The following SYN3 variants were observed in gnomAD, a reference collection of about 807,000 sequenced individuals.
The protein encoded by SYN3 is synapsin III.
Under a neutral mutation model 65.8 loss-of-function variants are expected in SYN3, and 35 were observed. The ratio of observed to expected loss-of-function variants is 0.53; its 90% CI spans 0.41 to 0.70. The LOEUF (loss-of-function observed/expected upper bound fraction) is 0.70. Among genes scored for constraint, SYN3 ranks in the 30% least tolerant of loss-of-function variants. The pLI is 0.00. For synonymous variants in SYN3, 270 were observed against 292.9 expected (o/e 0.92, Z 0.80); for missense variants, 680 against 749.0 (o/e 0.91, Z 1.08).
At chr22:33,029,173 CTTT>C (rs133973) in intron 1 of SYN3, among the ~76,000 whole-genome samples, 219 of 143,964 alleles carry the variant, frequency 1.5e-3, no homozygotes, top group Middle Eastern at 3.6e-3. Context: ...CCAAAGATGA[CTTT>C]TTTTTTTTTT....
chr22:32,691,095 T>A (rs1299638286), intron 6 of SYN3, among the ~76,000 whole-genome samples: 1 of 152,088 alleles, frequency 6.6e-6, no homozygotes, highest in Non-Finnish European at 1.5e-5. Context: ...TGCCTCCCTT[T>A]TTTCTCTCCT....
rs146931849 is a variant in SYN3 at position 32,745,623 on chromosome 22, A to G, written c.711+119292T>C. ...GCACGGCCCTGGGTTAGTCACAGCA[A>G]AGGTATTTGGCACCTCCAAGTACCT... On this transcript the variant is annotated intron_variant, in intron 6 of 13. Transcript: ENST00000358763. 3.6e-3 allele frequency among the ~76,000 whole-genome samples: 547 copies of G among 152,262 alleles called. 2 individuals are homozygous for G. Among genetic ancestry groups the G allele is most frequent in the African/African-American group, 0.012 (510 of 41,540 alleles).
chr22:32,886,662 C>T (rs897523296), intron 4 of SYN3, among the ~76,000 whole-genome samples: 1 of 152,234 alleles, frequency 6.6e-6, no homozygotes, highest in Non-Finnish European at 1.5e-5. Context: ...TCACAGGTGA[C>T]TTGTGTCCCT....
chr22:33,041,785 T>G (rs1452918162), intron 1 of SYN3, among the ~76,000 whole-genome samples: 1 of 152,118 alleles, frequency 6.6e-6, no homozygotes, highest in African/African-American at 2.4e-5. Flanking sequence ...ATTGGATTAA[T>G]GAGCTCCAAG....
At position 32,528,934 on chromosome 22, in the gene SYN3, G is replaced by GACA; in HGVS notation, c.1167_1169dup (p.Val390dup). The GACA allele has an allele frequency of 6.2e-7, 1 of 1,614,140 alleles. No individual in the cohort carries two copies. Among genetic ancestry groups the GACA allele is most frequent in the Non-Finnish European group, 8.5e-7 (1 of 1,180,052 alleles). On this transcript the variant is annotated inframe_insertion, in exon 11 of 14. Transcript: ENST00000358763. The stretch of plus-strand genomic sequence containing the variant: ...GCATCGGGAGCTGGCTCATTTTGGA[G>GACA]ACAACAAGGTCGGCCATCAGCTGTC...
intron 7 of SYN3, among the ~76,000 whole-genome samples, chr22:32,551,749 A>G (rs2058418923): frequency 6.6e-6 from 1 of 152,226 alleles, no homozygotes; most frequent in Non-Finnish European, 1.5e-5. Context: ...TGTGTGTTAG[A>G]AATATTCACT....
intron 6 of SYN3, among the ~76,000 whole-genome samples, chr22:32,703,530 G>C (rs1344314434): frequency 6.6e-6 from 1 of 151,904 alleles, no homozygotes; most frequent in Non-Finnish European, 1.5e-5. Flanking sequence ...TCAGCTACTC[G>C]GGAGGCTGAG....
chr22:33,016,114 G>A (rs2053462332), intron 1 of SYN3, among the ~76,000 whole-genome samples: 1 of 152,082 alleles, frequency 6.6e-6, no homozygotes, highest in African/African-American at 2.4e-5. Flanking sequence ...CCAAAGTGCT[G>A]GGATTACAGG....
In SYN3 at chr22:32,714,887, CTT is replaced by C. The variant is rs2061014981; in HGVS notation, c.712-118153_712-118152del. ...GGTATATAAAGCATCCAACATCATA[CTT>C]AGCATATAGTAGATGCTCAATGAAT... On this transcript the variant is annotated intron_variant, in intron 6 of 13. Coordinates refer to ENST00000358763, the MANE Select transcript of SYN3 (RefSeq NM_003490.4). 1.1e-4 allele frequency among the ~76,000 whole-genome samples: 17 copies of C among 152,314 alleles called. No individual in the cohort carries two copies. The South Asian group carries it at 3.5e-3, about 32-fold the overall frequency.
chr22:32,942,538 C>T (rs919121485), intron 3 of SYN3, among the ~76,000 whole-genome samples: 1 of 152,188 alleles, frequency 6.6e-6, no homozygotes, highest in African/African-American at 2.4e-5. Context: ...AATCAGAGCG[C>T]CTCTTCTCCT....
At position 32,602,435 on chromosome 22, in the gene SYN3, A is replaced by G. The variant is rs73399263; in HGVS notation, c.712-5699T>C. Among the ~76,000 whole-genome samples the G allele has an allele frequency of 4.6e-3, 679 of 147,852 alleles. 7 individuals are homozygous for G. Among genetic ancestry groups the G allele is most frequent in the African/African-American group, 0.017 (632 of 37,480 alleles). The stretch of plus-strand genomic sequence containing the variant: ...TCAATAAAGATAGTTCTATCCCGAT[A>G]GTTTTTTGTTTTGTTTTGTTTTGTT... On this transcript the variant is annotated intron_variant, in intron 6 of 13. Coordinates refer to ENST00000358763, the MANE Select transcript of SYN3 (RefSeq NM_003490.4).
At chr22:32,959,621 T>C (rs1185773099) in intron 3 of SYN3, among the ~76,000 whole-genome samples, 1 of 152,022 alleles carries the variant, frequency 6.6e-6, no homozygotes, top group African/African-American at 2.4e-5. Context: ...TTTTTTCTCC[T>C]TGAGACTCGG....
chr22:32,731,853 G>A (rs2061274577), intron 6 of SYN3, among the ~76,000 whole-genome samples: 1 of 152,202 alleles, frequency 6.6e-6, no homozygotes, highest in African/African-American at 2.4e-5. Context: ...TCAAGGCTCT[G>A]AAAGCAGGCC....
At chr22:32,818,345 G>T (rs780133860) in intron 6 of SYN3, among the ~76,000 whole-genome samples, 9 of 152,142 alleles carry the variant, frequency 5.9e-5, no homozygotes, top group Non-Finnish European at 1.2e-4. Flanking sequence ...TAGAATGGGG[G>T]AGTCTTAGTT....
intron 3 of SYN3, among the ~76,000 whole-genome samples, chr22:32,936,737 C>T (rs976033919): frequency 6.6e-5 from 10 of 152,152 alleles, no homozygotes; most frequent in African/African-American, 2.4e-4. Context: ...TTATCCCTGG[C>T]CAACAGCATG....
Position 32,508,955 on chromosome 22 carries a change from C to A in SYN3, c.*4737G>T, listed in dbSNP as rs2057662040. Among the ~76,000 whole-genome samples the A allele has an allele frequency of 6.6e-6, 1 of 152,096 alleles. No homozygotes were observed. The highest frequency in any genetic ancestry group is 6.5e-5 in the Admixed American group (1 of 15,270). On this transcript the variant is annotated 3_prime_UTR_variant, in exon 14 of 14. Coordinates refer to ENST00000358763, the MANE Select transcript of SYN3 (RefSeq NM_003490.4). ...ACCATGTGAGTGAAGACCTATCATC[C>A]CCTTAAATTTTGGAAAGATAGAATT...
intron 1 of SYN3, among the ~76,000 whole-genome samples, chr22:33,020,084 A>G (rs2053535754): frequency 6.6e-6 from 1 of 152,200 alleles, no homozygotes; most frequent in East Asian, 1.9e-4. Context: ...CCTGAGAGTC[A>G]TTAATGCTTA....
At chr22:33,028,290 CCT>C (rs144911964) in intron 1 of SYN3, among the ~76,000 whole-genome samples, 1,638 of 152,266 alleles carry the variant, frequency 0.011, 6 homozygotes, top group Middle Eastern at 0.031. Context: ...AGTGGGACAG[CCT>C]CAGGATTTCC....
Position 32,912,869 on chromosome 22 carries a change from G to A in SYN3, c.461+18521C>T, listed in dbSNP as rs76532917. On this transcript the variant is annotated intron_variant, in intron 4 of 13. Coordinates refer to ENST00000358763, the MANE Select transcript of SYN3 (RefSeq NM_003490.4). ...AAGGAGTGATAAACAGGTGGAATGC[G>A]GGATGTTTAGGGGAGAGAAATTATT... 3.5e-3 allele frequency among the ~76,000 whole-genome samples: 532 copies of A among 152,256 alleles called. 3 individuals are homozygous for A. The highest frequency in any genetic ancestry group is 0.01 in the Middle Eastern group (3 of 294).
Sources: gnomAD v4.1 joint callset for allele counts (sites outside exome capture counted in the v4.1 genomes callset) on GRCh38, gnomAD v4.1.1 for gene constraint, MANE v1.5 for transcripts, NCBI Gene and HGNC (gene_info 2026-07-23, HGNC 2026-07-21) for gene names.